Variants in TBC1D1 observed in about 807,000 individuals in gnomAD.
The protein encoded by TBC1D1 is TBC1 domain family member 1, also known as TBC1 (tre-2/USP6, BUB2, cdc16) domain family, member 1.
A neutral mutation model predicts 125.6 loss-of-function variants in TBC1D1; 89 were observed. The observed-to-expected ratio is 0.71, with a 90% CI of 0.60 to 0.85. The LOEUF (loss-of-function observed/expected upper bound fraction) is 0.85, where lower values mean the gene tolerates loss of function less well. TBC1D1 is among the 40% of genes least tolerant of loss of function. The probability of loss-of-function intolerance (pLI) is 0.00; values close to 1 mark genes in which losing one functional copy is unlikely to be tolerated. For missense variants in TBC1D1, 1,377 were observed against 1,469.2 expected, an observed-to-expected ratio of 0.94 and a Z score of 1.03; for synonymous variants, 565 against 564.1, an observed-to-expected ratio of 1.00 and a Z score of -0.02.
Position 38,014,783 on chromosome 4 carries a change from C to G in TBC1D1, c.692C>G (p.Pro231Arg), listed in dbSNP as rs780100246. Residue 231 changes from proline to arginine, a missense_variant, in exon 3 of 20, where the codon CCC (proline) becomes CGC (arginine). Pro to Arg is a moderately radical substitution (Grantham distance 103, BLOSUM62 -2). Around this residue, in one of 3 missense-constraint regions of TBC1D1, gnomAD observed 822 missense variants for 824.6 expected, o/e 1.00. Transcript: ENST00000261439. The surrounding 1 kb of genome is among the most constrained non-coding windows in gnomAD (Gnocchi z 5.1). ...GGGAGCCAGGAGCCTGTGCGCAGGC[C>G]CATGCGCAAGTCCTTCTCCCAGCCC... 9 of 1,610,770 alleles carry G rather than the reference C, an allele frequency of 5.6e-6. No individual in the cohort carries two copies. The highest frequency in any genetic ancestry group is 1.1e-5 in the South Asian group (1 of 90,994).
chr4:38,009,978 T>A (rs998272085), intron 2 of TBC1D1, among the ~76,000 whole-genome samples: 2 of 152,198 alleles, frequency 1.3e-5, no homozygotes, highest in Admixed American at 1.3e-4. Context: ...ATACTATTGC[T>A]CCAACAAAAC....
intron 2 of TBC1D1, among the ~76,000 whole-genome samples, chr4:37,932,727 A>C (rs539131539): frequency 3.3e-5 from 5 of 152,266 alleles, no homozygotes; most frequent in African/African-American, 1.2e-4. Flanking sequence ...GCCATTCCCA[A>C]ACAACTTCCA....
chr4:37,903,252 T>G (rs989203365), intron 2 of TBC1D1, among the ~76,000 whole-genome samples: 4 of 152,242 alleles, frequency 2.6e-5, no homozygotes, highest in Admixed American at 2.6e-4. Flanking sequence ...TCTTTCCTCG[T>G]TCATTTGTGC....
In TBC1D1 at chr4:38,018,211, A is replaced by G. The variant is rs562559955; in HGVS notation, c.883-143A>G. 18 of 640,922 alleles carry G rather than the reference A, an allele frequency of 2.8e-5. No individual in the cohort carries two copies. In the African/African-American group the frequency reaches 3.2e-4, roughly 11 times the overall value. The allele number at this position is 640,922 out of a possible 1,614,324, so 39.7% of individuals were successfully genotyped here. On this transcript the variant is annotated intron_variant, in intron 3 of 19. Coordinates refer to ENST00000261439, the MANE Select transcript of TBC1D1 (RefSeq NM_015173.4). ...AGATGTGTCTTATGACCTGAAATCC[A>G]GAGGATAAGAGGGGACCTTTGAAAT...
At chr4:38,104,998 T>A (rs2890595) in intron 15 of TBC1D1, among the ~76,000 whole-genome samples, 20 of 151,914 alleles carry the variant, frequency 1.3e-4, no homozygotes, top group East Asian at 3.9e-4. Context: ...CTCGTGATCC[T>A]CCCGCCTTGG....
chr4:37,942,220 A>G (rs1333572175), intron 2 of TBC1D1, among the ~76,000 whole-genome samples: 1 of 152,184 alleles, frequency 6.6e-6, no homozygotes, highest in Non-Finnish European at 1.5e-5. Context: ...TATTGGCTGC[A>G]TATATATTTA....
intron 12 of TBC1D1, among the ~76,000 whole-genome samples, chr4:38,085,871 C>T (rs1177688252): frequency 6.6e-6 from 1 of 152,176 alleles, no homozygotes; most frequent in African/African-American, 2.4e-5. Flanking sequence ...ACAGTTGCCT[C>T]AGACTTTGAT....
chr4:38,021,599 TG>T lies in TBC1D1; in HGVS notation c.1092del (p.Met364IlefsTer2), dbSNP rs768005053. The T allele has an allele frequency of 3.2e-6, 5 of 1,557,246 alleles. No individual in the cohort carries two copies. In the East Asian group the frequency reaches 1.2e-4, roughly 37 times the overall value. On this transcript the variant is annotated frameshift_variant, in exon 6 of 20. Transcript: ENST00000261439. LOFTEE classifies it high-confidence loss of function. ...CTCTTTGATTAGGTTGATGAAATTATGATGACCCTGAAACAGGCCTTCACGG... is the reference window on the plus strand; with the variant it reads ...CTCTTTGATTAGGTTGATGAAATTATATGACCCTGAAACAGGCCTTCACGG...
intron 6 of TBC1D1, among the ~76,000 whole-genome samples, chr4:38,026,485 C>T (rs554908531): frequency 6.6e-6 from 1 of 152,354 alleles, no homozygotes; most frequent in Admixed American, 6.5e-5. Flanking sequence ...AGATTTCCCT[C>T]CCTGCCATCC....
At chr4:38,025,439 C>T (rs531543131) in intron 6 of TBC1D1, among the ~76,000 whole-genome samples, 145 of 152,288 alleles carry the variant, frequency 9.5e-4, no homozygotes, top group African/African-American at 3.3e-3. Context: ...CGGACCTAGG[C>T]GGGCCGGCTA....
rs541772249 is a variant in TBC1D1, at chr4:37,925,467, C to G, written c.417+22955C>G. Among the ~76,000 whole-genome samples, 10 of 152,032 alleles carry G rather than the reference C, an allele frequency of 6.6e-5. No homozygotes were observed. In the South Asian group the frequency reaches 1.7e-3, roughly 25 times the overall value. ...TTGTGGTGGCTTACGCCTGTAATCC[C>G]AGCACTTCGGGAGGTCGAGGTGGGG... On this transcript the variant is annotated intron_variant, in intron 2 of 19. Coordinates refer to ENST00000261439, the MANE Select transcript of TBC1D1 (RefSeq NM_015173.4).
At position 37,958,048 on chromosome 4, in the gene TBC1D1, C is replaced by A. The variant is rs530010120; in HGVS notation, c.417+55536C>A. ...TTTTGTTGATCTCTGCTTAGAACAA[C>A]AGAAACACAGATGGCTACAGTTACT... On this transcript the variant is annotated intron_variant, in intron 2 of 19. Coordinates refer to ENST00000261439, the MANE Select transcript of TBC1D1 (RefSeq NM_015173.4). Among the ~76,000 whole-genome samples the A allele has an allele frequency of 3.3e-5, 5 of 152,336 alleles. No individual in the cohort carries two copies. The South Asian group carries it at 1.0e-3, about 32-fold the overall frequency.
At position 38,040,446 on chromosome 4, in the gene TBC1D1, G is replaced by A. The variant is rs577231451; in HGVS notation, c.1414-3916G>A. ...TGGGACTATAGGCGTGCGCCACCAC[G>A]CCCAGCTAATTTTTGTATATTTAGT... On this transcript the variant is annotated intron_variant, in intron 8 of 19. Transcript: ENST00000261439. Among the ~76,000 whole-genome samples, 53 of 152,176 alleles carry A rather than the reference G, an allele frequency of 3.5e-4. 2 individuals carry two copies. In the South Asian group the frequency reaches 0.011, roughly 30 times the overall value.
intron 2 of TBC1D1, among the ~76,000 whole-genome samples, chr4:37,916,308 C>A (rs1719712278): frequency 6.6e-6 from 1 of 151,984 alleles, no homozygotes; most frequent in Non-Finnish European, 1.5e-5. Flanking sequence ...ACTCAGCTCT[C>A]TCTCTTGTTC....
chr4:37,926,974 G>T (rs746366108), intron 2 of TBC1D1, among the ~76,000 whole-genome samples: 8 of 151,974 alleles, frequency 5.3e-5, no homozygotes, highest in Non-Finnish European at 7.4e-5. Context: ...AAAATTACCC[G>T]GGCATGGTGG....
intron 2 of TBC1D1, among the ~76,000 whole-genome samples, chr4:38,007,303 A>C (rs1740502543): frequency 6.6e-6 from 1 of 151,864 alleles, no homozygotes; most frequent in African/African-American, 2.4e-5. Flanking sequence ...CCCAGGCTGG[A>C]GTGCGGTGGT....
intron 17 of TBC1D1, among the ~76,000 whole-genome samples, chr4:38,121,289 C>G (rs1475671766): frequency 6.6e-6 from 1 of 152,182 alleles, no homozygotes; most frequent in African/African-American, 2.4e-5. Flanking sequence ...AAAAGAGATG[C>G]AGTGCAAGCT....
chr4:37,895,409 A>G lies in TBC1D1; in HGVS notation c.-94+4061A>G, dbSNP rs142113566. Reference sequence around the variant, plus strand: ...AGTGACAGTGCCATTCTAAAGGACTAGCCTTGAGTTGGCTCTAATTTATAT... The same window carrying G: ...AGTGACAGTGCCATTCTAAAGGACTGGCCTTGAGTTGGCTCTAATTTATAT... On this transcript the variant is annotated intron_variant, in intron 1 of 19. Transcript: ENST00000261439. Among the ~76,000 whole-genome samples, 222 of 152,284 alleles carry G rather than the reference A, an allele frequency of 1.5e-3. 1 individual carries two copies. The highest frequency in any genetic ancestry group is 5.1e-3 in the African/African-American group (213 of 41,540).
chr4:37,933,008 G>A (rs1436727054), intron 2 of TBC1D1, among the ~76,000 whole-genome samples: 1 of 151,034 alleles, frequency 6.6e-6, no homozygotes, highest in Non-Finnish European at 1.5e-5. Flanking sequence ...AATGAGCTGA[G>A]ATTGTGCCAC....
Sources: gnomAD v4.1 joint callset for allele counts (sites outside exome capture counted in the v4.1 genomes callset) on GRCh38, gnomAD v4.1.1 for gene constraint, gnomAD v4.1.1 regional missense constraint, Gnocchi (gnomAD v3.1) non-coding constraint, MANE v1.5 for transcripts, NCBI Gene and HGNC (gene_info 2026-07-23, HGNC 2026-07-21) for gene names.